Variants in SEPTIN14 observed in about 807,000 individuals in gnomAD.
The protein encoded by SEPTIN14 is septin 14.
A neutral mutation model predicts 53.6 loss-of-function variants in SEPTIN14; 40 were observed. The ratio of observed to expected loss-of-function variants is 0.75; its 90% CI spans 0.58 to 0.97. The LOEUF is 0.97. SEPTIN14 is among the 50% of genes least tolerant of loss of function. The pLI, the probability that SEPTIN14 is intolerant of heterozygous loss-of-function variation, is 0.00. For missense variants in SEPTIN14, 471 were observed against 508.2 expected (o/e 0.93, Z 0.70); for synonymous variants, 138 against 166.8 (o/e 0.83, Z 1.33).
chr7:55,800,302 CACTT>C (rs1415081756), intron 9 of SEPTIN14, among the ~76,000 whole-genome samples: 2 of 152,178 alleles, frequency 1.3e-5, no homozygotes, highest in African/African-American at 4.8e-5. Flanking sequence ...CACACGTTCT[CACTT>C]ACTTGTGGGA....
chr7:55,825,918 C>G (rs1343093495), intron 6 of SEPTIN14, among the ~76,000 whole-genome samples: 1 of 152,018 alleles, frequency 6.6e-6, no homozygotes, highest in Non-Finnish European at 1.5e-5. Flanking sequence ...CTGGCTAACA[C>G]AGTGAAACCC....
intron 7 of SEPTIN14, chr7:55,811,304 G>C: frequency 2.0e-6 from 1 of 512,076 alleles, no homozygotes; most frequent in Middle Eastern, 3.1e-4. Flanking sequence ...CAATTGGCTT[G>C]ATTCGTATTT....
Position 55,834,521 on chromosome 7 carries a change from C to T in SEPTIN14, c.624G>A (p.Lys208=). 1 of 1,611,536 alleles carries T rather than the reference C, an allele frequency of 6.2e-7. No individual in the cohort carries two copies. The highest frequency in any genetic ancestry group is 2.2e-5 in the East Asian group (1 of 44,844). ...TAATCAATTCACTCATTATCTTATT[C>T]TTAAACGTCTGTAAATCATTTTTAG... is the stretch of plus-strand genomic sequence containing the variant. The part of the protein sequence containing the change: ...TISKNDLQTF[K]NKIMSELISN... Residue 208 remains lysine, a synonymous_variant, in exon 6 of 10, where the codon AAG becomes AAA. Transcript: ENST00000388975.
intron 2 of SEPTIN14, among the ~76,000 whole-genome samples, chr7:55,860,062 C>T (rs1372496591): frequency 6.6e-6 from 1 of 151,916 alleles, no homozygotes; most frequent in African/African-American, 2.4e-5. Context: ...GCCTGTAATC[C>T]CAGCTACTTG....
chr7:55,819,017 T>C (rs1401696086), intron 7 of SEPTIN14, 110 bp downstream of exon 7: 2 of 661,372 alleles, frequency 3.0e-6, no homozygotes, highest in Non-Finnish European at 5.3e-6. Context: ...AACTTACAGA[T>C]TAGCAAGAGT....
rs531646983 is a variant in SEPTIN14 at position 55,794,047 on chromosome 7, T to A, written c.*1866A>T. 7 of 152,102 alleles carry A rather than the reference T, an allele frequency of 4.6e-5. No individual in the cohort carries two copies. The highest frequency in any genetic ancestry group is 1.7e-4 in the African/African-American group (7 of 41,528). 9.4% of individuals were successfully genotyped at this position (152,102 alleles called of 1,614,324 possible). On this transcript the variant is annotated 3_prime_UTR_variant, in exon 10 of 10. Transcript: ENST00000388975. The stretch of plus-strand genomic sequence containing the variant: ...CAACACTAATTTTTTTTAGAAAAAA[T>A]TATGGAAAATAAAAATATGCCTTAT...
rs139976925 is a variant in SEPTIN14, at chr7:55,832,246, A to G, written c.720+2179T>C. 2.9e-3 allele frequency among the ~76,000 whole-genome samples: 423 copies of G among 146,514 alleles called. 5 individuals are homozygous for G. The highest frequency in any genetic ancestry group is 0.01 in the Middle Eastern group (3 of 286). On this transcript the variant is annotated intron_variant, in intron 6 of 9. Coordinates refer to ENST00000388975, the MANE Select transcript of SEPTIN14 (RefSeq NM_207366.3). ...ACACACACACACACACACACACACA[A>G]AATAAGATATAAACACAACAGATGT...
intron 9 of SEPTIN14, among the ~76,000 whole-genome samples, chr7:55,804,749 C>T (rs568416399): frequency 4.6e-5 from 7 of 152,248 alleles, no homozygotes; most frequent in African/African-American, 1.7e-4. Flanking sequence ...TATGTCTTCA[C>T]CAAAAACGTA....
At position 55,852,019 on chromosome 7, in the gene SEPTIN14, G is replaced by A. The variant is rs565136505; in HGVS notation, c.55-5382C>T. On this transcript the variant is annotated intron_variant, in intron 2 of 9. Transcript: ENST00000388975. ...TAGCCAGGTGTGGTGGTGGGTGCCT[G>A]TAGTCCCAGCTACTCGGGAGGCTGA... Among the ~76,000 whole-genome samples the A allele has an allele frequency of 5.3e-5, 8 of 152,076 alleles. No homozygotes were observed. The East Asian group carries it at 1.4e-3, about 26-fold the overall frequency.
chr7:55,837,116 T>A (rs1789221320), intron 5 of SEPTIN14, among the ~76,000 whole-genome samples: 1 of 151,398 alleles, frequency 6.6e-6, no homozygotes. Flanking sequence ...AACCTTTTTT[T>A]TTTTTTTGAG....
chr7:55,798,461 G>C (rs1253469161), intron 9 of SEPTIN14: 4 of 284,410 alleles, frequency 1.4e-5, no homozygotes, highest in African/African-American at 6.8e-5. Context: ...TGACCACAAT[G>C]ATGCTTTCCT....
rs180760159 is a variant in SEPTIN14 at position 55,849,062 on chromosome 7, C to T, written c.55-2425G>A. 2.8e-3 allele frequency among the ~76,000 whole-genome samples: 423 copies of T among 152,120 alleles called. 9 individuals carry two copies. The South Asian group carries it at 0.037, about 13-fold the overall frequency. ...AAGCATGGCCAGGCACGTTGGCTCA[C>T]GCCTGAAATCCCAGCAGTTTGAGAG... is the stretch of plus-strand genomic sequence containing the variant. On this transcript the variant is annotated intron_variant, in intron 2 of 9. Transcript: ENST00000388975.
At chr7:55,809,689 T>C (rs897024406) in intron 7 of SEPTIN14, among the ~76,000 whole-genome samples, 1 of 150,330 alleles carries the variant, frequency 6.7e-6, no homozygotes, top group Non-Finnish European at 1.5e-5. Context: ...GATGAAATAA[T>C]CTTTTACACC....
chr7:55,836,265 A>G (rs1016467867), intron 5 of SEPTIN14, among the ~76,000 whole-genome samples: 1 of 152,190 alleles, frequency 6.6e-6, no homozygotes, highest in Non-Finnish European at 1.5e-5. Context: ...TTGCACTTAA[A>G]TAACTAAACT....
chr7:55,817,123 T>C (rs1011534855), intron 7 of SEPTIN14, among the ~76,000 whole-genome samples: 2 of 152,078 alleles, frequency 1.3e-5, no homozygotes, highest in Non-Finnish European at 2.9e-5. Context: ...TGTCCATGAA[T>C]AGATGCATGA....
chr7:55,840,419 G>A (rs1338414178), intron 5 of SEPTIN14, among the ~76,000 whole-genome samples: 1 of 151,714 alleles, frequency 6.6e-6, no homozygotes, highest in African/African-American at 2.4e-5. Flanking sequence ...AACCCAGGAG[G>A]CAGAGGCTAC....
At chr7:55,820,832 T>A (rs1448737026) in intron 6 of SEPTIN14, among the ~76,000 whole-genome samples, 1 of 151,840 alleles carries the variant, frequency 6.6e-6, no homozygotes, top group African/African-American at 2.4e-5. Flanking sequence ...CCCAGCTACT[T>A]GGGAGGCTGA....
At chr7:55,810,279 A>G (rs1788678300) in intron 7 of SEPTIN14, among the ~76,000 whole-genome samples, 1 of 151,600 alleles carries the variant, frequency 6.6e-6, no homozygotes, top group Non-Finnish European at 1.5e-5. Flanking sequence ...GCCTGTTCAG[A>G]TCCTTTGCCC....
intron 3 of SEPTIN14, among the ~76,000 whole-genome samples, chr7:55,844,951 C>T (rs908320064): frequency 3.3e-5 from 5 of 150,664 alleles, no homozygotes; most frequent in African/African-American, 4.9e-5. Context: ...TGGGAGTACA[C>T]GTGCAGGTTT....
Sources: allele counts gnomAD v4.1 joint callset (sites outside exome capture counted in the v4.1 genomes callset), GRCh38; gene constraint gnomAD v4.1.1; transcripts MANE v1.5; gene names NCBI Gene and HGNC (gene_info 2026-07-23, HGNC 2026-07-21).